TSPAN14: variants seen among roughly 807,000 people sequenced by gnomAD.
TSPAN14 encodes tetraspanin 14.
A neutral mutation model predicts 36.6 loss-of-function variants in TSPAN14; 16 were observed. The observed-to-expected ratio is 0.44, with a 90% confidence interval of 0.30 to 0.66. The LOEUF (loss-of-function observed/expected upper bound fraction) is 0.66. Among genes scored for constraint, TSPAN14 ranks in the 30% least tolerant of loss-of-function variants. The pLI is 0.12. For synonymous variants in TSPAN14, 139 were observed against 143.8 expected, an observed-to-expected ratio of 0.97 and a Z score of 0.24; for missense variants, 231 against 355.1, an observed-to-expected ratio of 0.65 and a Z score of 2.81.
chr10:80,467,323 T>G (rs1419729037), intron 1 of TSPAN14, among the ~76,000 whole-genome samples: 2 of 152,192 alleles, frequency 1.3e-5, no homozygotes, highest in Admixed American at 1.3e-4. Flanking sequence ...TAGAATTTTA[T>G]TTTTAGTTTA....
intron 1 of TSPAN14, among the ~76,000 whole-genome samples, 168 bp from the exon 2 acceptor site, chr10:80,489,049 G>C (rs1847779538): frequency 6.6e-6 from 1 of 152,218 alleles, no homozygotes; most frequent in Non-Finnish European, 1.5e-5. Context: ...GATTTAACCT[G>C]AGTTTTGCAT....
At chr10:80,500,786 CTG>C (rs1490385552) in intron 2 of TSPAN14, among the ~76,000 whole-genome samples, 1 of 152,208 alleles carries the variant, frequency 6.6e-6, no homozygotes, top group Non-Finnish European at 1.5e-5. Context: ...AGGGTGTGGT[CTG>C]TGGGCCATAT....
At chr10:80,477,138 T>C (rs1352796410) in intron 1 of TSPAN14, among the ~76,000 whole-genome samples, 3 of 152,256 alleles carry the variant, frequency 2.0e-5, no homozygotes, top group Admixed American at 6.5e-5. Flanking sequence ...GCTGCTTCTC[T>C]GCCTTCCTCT....
At chr10:80,495,291 A>C (rs1013642749) in intron 2 of TSPAN14, among the ~76,000 whole-genome samples, 1 of 152,104 alleles carries the variant, frequency 6.6e-6, no homozygotes, top group Non-Finnish European at 1.5e-5. Context: ...TCACATCCCC[A>C]GAACGACTGC....
At chr10:80,493,819 G>A (rs960275108) in intron 2 of TSPAN14, among the ~76,000 whole-genome samples, 2 of 152,188 alleles carry the variant, frequency 1.3e-5, no homozygotes, top group Admixed American at 6.5e-5. Context: ...AGGGAAGCTG[G>A]GAGAGGCGTA....
chr10:80,499,334 C>T (rs1321693894), intron 2 of TSPAN14, among the ~76,000 whole-genome samples: 2 of 152,184 alleles, frequency 1.3e-5, no homozygotes, highest in Non-Finnish European at 2.9e-5. Flanking sequence ...TCCTGCCTTT[C>T]GCAAGGTCAT....
chr10:80,490,238 C>G (rs1847850431), intron 2 of TSPAN14, among the ~76,000 whole-genome samples: 2 of 152,102 alleles, frequency 1.3e-5, no homozygotes, highest in Admixed American at 1.3e-4. Flanking sequence ...TATCTCATAG[C>G]CAGCCTCAGG....
At chr10:80,511,752 CT>C (rs1840655593) in intron 5 of TSPAN14, among the ~76,000 whole-genome samples, 6 of 139,188 alleles carry the variant, frequency 4.3e-5, no homozygotes, top group African/African-American at 1.1e-4. Flanking sequence ...CTCTCTCTCT[CT>C]CTCTCTCTCT....
chr10:80,512,042 T>A, intron 5 of TSPAN14, 102 bp from the exon 6 acceptor site: 2 of 1,556,878 alleles, frequency 1.3e-6, no homozygotes, highest in South Asian at 2.4e-5. Flanking sequence ...GCATGGTAGA[T>A]GCCGGCAGAC....
intron 2 of TSPAN14, among the ~76,000 whole-genome samples, chr10:80,500,933 C>T (rs956749138): frequency 6.6e-6 from 1 of 152,156 alleles, no homozygotes; most frequent in African/African-American, 2.4e-5. Context: ...CTCTTGAGGT[C>T]GAGGGTCTTT....
chr10:80,512,197 C>T, exon 6 of TSPAN14: 3 of 1,614,212 alleles, frequency 1.9e-6, no homozygotes, highest in Non-Finnish European at 2.5e-6. Context: ...ACGTCTACTT[C>T]AATTGCAGCG....
chr10:80,504,826 G>A, intron 3 of TSPAN14, 48 bp downstream of exon 3: 2 of 1,604,274 alleles, frequency 1.2e-6, no homozygotes, highest in South Asian at 2.2e-5. Context: ...GCCAAAACCA[G>A]ATTCGTTGGA....
intron 1 of TSPAN14, among the ~76,000 whole-genome samples, chr10:80,479,123 A>C (rs1482721426): frequency 2.6e-5 from 4 of 152,104 alleles, no homozygotes; most frequent in Admixed American, 2.6e-4. Context: ...TCCTTGGCCC[A>C]CTTTTTGATG....
At chr10:80,483,948 A>G (rs2132000886) in intron 1 of TSPAN14, among the ~76,000 whole-genome samples, 1 of 131,962 alleles carries the variant, frequency 7.6e-6, no homozygotes, top group African/African-American at 2.7e-5. Context: ...AAAAAAAAAA[A>G]AAAGTGTAAA....
In TSPAN14 at chr10:80,509,542, G is replaced by A; in HGVS notation, c.450+71G>A. On this transcript the variant is annotated intron_variant, in intron 5 of 8. Coordinates refer to ENST00000429989, the Ensembl canonical transcript of TSPAN14. This position sits in a 1 kb window ranked among gnomAD's most constrained non-coding sequence, Gnocchi z 4.7. ...GTGCTGCCTGGAGCTGAGTCTAGCA[G>A]GGGCATCAGGCCTTCTCTGTGGGTT... is the stretch of plus-strand genomic sequence containing the variant. 2 of 1,525,962 alleles carry A rather than the reference G, an allele frequency of 1.3e-6. No individual in the cohort carries two copies. Among genetic ancestry groups the A allele is most frequent in the Non-Finnish European group, 1.8e-6 (2 of 1,122,766 alleles). The allele number at this position is 1,525,962 out of a possible 1,614,324, so 94.5% of individuals were successfully genotyped here.
In TSPAN14 at chr10:80,477,313, A is replaced by AT. The variant is rs1322457339; in HGVS notation, c.-17-11898dup. On this transcript the variant is annotated intron_variant, in intron 1 of 8. Coordinates refer to ENST00000429989, the Ensembl canonical transcript of TSPAN14. ...ATGTAATAATGGACTATACTTCCTG[A>AT]TTTTTTCACTTTGCTAAATAAAAAG... is the stretch of plus-strand genomic sequence containing the variant. Among the ~76,000 whole-genome samples, 8 of 152,214 alleles carry AT rather than the reference A, an allele frequency of 5.3e-5. No homozygotes were observed. The East Asian group carries it at 1.2e-3, about 22-fold the overall frequency.
chr10:80,499,079 A>T (rs1848354519), intron 2 of TSPAN14, among the ~76,000 whole-genome samples: 1 of 152,210 alleles, frequency 6.6e-6, no homozygotes, highest in Admixed American at 6.5e-5. Context: ...GTTGCCAAGT[A>T]CTTTTATACA....
At chr10:80,493,511 G>T (rs755122633) in intron 2 of TSPAN14, among the ~76,000 whole-genome samples, 1 of 152,236 alleles carries the variant, frequency 6.6e-6, no homozygotes, top group Non-Finnish European at 1.5e-5. Context: ...AACAACCAAA[G>T]TGTCCATAGA....
At chr10:80,491,370 A>G (rs1847910317) in intron 2 of TSPAN14, among the ~76,000 whole-genome samples, 1 of 152,106 alleles carries the variant, frequency 6.6e-6, no homozygotes, top group African/African-American at 2.4e-5. Flanking sequence ...CCCCTCCACC[A>G]TCCCGCACCC....
Sources: allele counts gnomAD v4.1 joint callset (sites outside exome capture counted in the v4.1 genomes callset), GRCh38; gene constraint gnomAD v4.1.1; non-coding constraint Gnocchi (gnomAD v3.1); transcripts MANE v1.5; gene names NCBI Gene and HGNC (gene_info 2026-07-23, HGNC 2026-07-21).